Variants in TMEM45A observed in about 807,000 individuals in gnomAD.
The protein encoded by TMEM45A is DNA polymerase-transactivated protein 4.
In TMEM45A, 25 loss-of-function variants were observed where a neutral mutation model predicts 32.0. That is an observed-to-expected ratio of 0.78 (90% CI 0.57 to 1.09). TMEM45A has a LOEUF of 1.09. TMEM45A is among the 50% of genes least tolerant of loss of function. TMEM45A has a pLI of 0.00. For synonymous variants in TMEM45A, 122 were observed against 114.8 expected (o/e 1.06, Z -0.40); for missense variants, 302 against 325.0 (o/e 0.93, Z 0.54).
intron 1 of TMEM45A, among the ~76,000 whole-genome samples, chr3:100,501,556 A>G (rs1027609290): frequency 2.0e-5 from 3 of 152,226 alleles, no homozygotes; most frequent in African/African-American, 4.8e-5. Flanking sequence ...TTAAAAACAC[A>G]TAAATTGGAT....
At chr3:100,519,485 A>T in intron 1 of TMEM45A, 1 of 1,417,728 alleles carries the variant, frequency 7.1e-7, no homozygotes, top group South Asian at 1.3e-5. Flanking sequence ...TTACCTAAGA[A>T]GCAAAGGCTC....
intron 1 of TMEM45A, among the ~76,000 whole-genome samples, chr3:100,510,142 C>T (rs1187277926): frequency 1.3e-5 from 2 of 152,364 alleles, no homozygotes; most frequent in East Asian, 3.9e-4. Flanking sequence ...CTGCCTGCCT[C>T]TGTAGGCTCC....
intron 4 of TMEM45A, 92 bp downstream of exon 4, chr3:100,558,681 TCCA>T: frequency 8.0e-7 from 1 of 1,247,226 alleles, no homozygotes; most frequent in South Asian, 1.4e-5. Flanking sequence ...GAGACTTCCC[TCCA>T]ACATACTGCC....
chr3:100,554,334 A>T (rs533167849), intron 1 of TMEM45A, among the ~76,000 whole-genome samples: 9 of 152,366 alleles, frequency 5.9e-5, no homozygotes, highest in Admixed American at 1.3e-4. Flanking sequence ...AGTAAATCTC[A>T]AAGTTTCATT....
chr3:100,576,963 A>G lies in TMEM45A; in HGVS notation c.773A>G (p.Glu258Gly), dbSNP rs766979280. 4 of 1,613,700 alleles carry G rather than the reference A, an allele frequency of 2.5e-6. No homozygotes were observed. In the South Asian group the frequency reaches 3.3e-5, roughly 13 times the overall value. ...KSRLKRLCSS[E>G]VGLLKNAERE... ...AGACTTAAGAGGCTCTGCTCCTCAG[A>G]AGTTGGACTTCTGAAAAATGCTGAA... is the stretch of plus-strand genomic sequence containing the variant. Residue 258 changes from glutamate (E) to glycine (G), a missense_variant, in exon 6 of 6, where the codon GAA (glutamate) becomes GGA (glycine). Transcript: ENST00000323523.
At chr3:100,539,461 G>GCA (rs1265982726) in intron 1 of TMEM45A, among the ~76,000 whole-genome samples, 12,978 of 133,856 alleles carry the variant, frequency 0.097, 1,678 homozygotes, top group Non-Finnish European at 0.14. Flanking sequence ...ATATGTATAT[G>GCA]TATATGTATA....
chr3:100,558,333 G>A, intron 3 of TMEM45A, 72 bp from the exon 4 acceptor site: 2 of 1,573,346 alleles, frequency 1.3e-6, no homozygotes, highest in South Asian at 2.3e-5. Context: ...TGTCTACGGA[G>A]AGAGGGAGAG....
chr3:100,506,843 A>C (rs1708086691), intron 1 of TMEM45A, among the ~76,000 whole-genome samples: 1 of 152,198 alleles, frequency 6.6e-6, no homozygotes, highest in East Asian at 1.9e-4. Flanking sequence ...AGTAAGGACC[A>C]AACCAGGCAG....
intron 1 of TMEM45A, among the ~76,000 whole-genome samples, chr3:100,537,264 A>T (rs867883873): frequency 2.6e-5 from 4 of 152,080 alleles, no homozygotes; most frequent in African/African-American, 9.7e-5. Flanking sequence ...ATTGAATTTC[A>T]TGGTGTAACC....
chr3:100,576,280 C>G (rs1283549259), intron 5 of TMEM45A, among the ~76,000 whole-genome samples: 2 of 152,254 alleles, frequency 1.3e-5, no homozygotes, highest in African/African-American at 4.8e-5. Context: ...GAAACCCCAT[C>G]TCTATTAAAA....
rs1195382181 is a variant in TMEM45A, at chr3:100,506,665, A to C, written c.-4+13737A>C. 2.0e-5 allele frequency among the ~76,000 whole-genome samples: 3 copies of C among 152,198 alleles called. No homozygotes were observed. In the South Asian group the frequency reaches 6.2e-4, roughly 31 times the overall value. ...ATTTTTTCTGTGTTTGACACCTTCA[A>C]CCTTGCCATTGCATTATGGTAAGGT... On this transcript the variant is annotated intron_variant, in intron 1 of 5. Transcript: ENST00000323523.
At chr3:100,555,905 C>T (rs1274601541) in intron 2 of TMEM45A, among the ~76,000 whole-genome samples, 1 of 152,198 alleles carries the variant, frequency 6.6e-6, no homozygotes, top group East Asian at 1.9e-4. Flanking sequence ...TATAGATTAA[C>T]AAATAAGGCA....
chr3:100,526,951 G>T (rs1390436049), intron 1 of TMEM45A, among the ~76,000 whole-genome samples: 2 of 152,068 alleles, frequency 1.3e-5, no homozygotes, highest in Non-Finnish European at 2.9e-5. Flanking sequence ...TGAATTTTTT[G>T]GATGAAGACG....
chr3:100,548,281 A>G (rs1706020064), intron 1 of TMEM45A, among the ~76,000 whole-genome samples: 1 of 152,118 alleles, frequency 6.6e-6, no homozygotes, highest in African/African-American at 2.4e-5. Flanking sequence ...AGAGATGGGG[A>G]AGTTGGATTT....
chr3:100,560,910 C>T (rs1706319025), intron 4 of TMEM45A, among the ~76,000 whole-genome samples: 1 of 152,118 alleles, frequency 6.6e-6, no homozygotes, highest in Non-Finnish European at 1.5e-5. Context: ...CCCCTTTTGG[C>T]AGATAAATGT....
chr3:100,545,649 C>T (rs1194420354), intron 1 of TMEM45A, among the ~76,000 whole-genome samples: 1 of 152,210 alleles, frequency 6.6e-6, no homozygotes, highest in Non-Finnish European at 1.5e-5. Context: ...GCCTCTGTCC[C>T]TCCCTTGAAT....
intron 1 of TMEM45A, among the ~76,000 whole-genome samples, chr3:100,494,027 C>A (rs371809983): frequency 1.3e-5 from 2 of 152,070 alleles, no homozygotes; most frequent in East Asian, 3.9e-4. Flanking sequence ...CCACTGCACC[C>A]GACCTTATAA....
chr3:100,541,277 G>GC (rs1467787923), intron 1 of TMEM45A, among the ~76,000 whole-genome samples: 1 of 152,074 alleles, frequency 6.6e-6, no homozygotes, highest in African/African-American at 2.4e-5. Flanking sequence ...TCTATAGGTT[G>GC]CCTGTTTACT....
At chr3:100,568,796 T>C (rs1706495780) in intron 4 of TMEM45A, 26 bp from the exon 5 acceptor site, 2 of 1,579,554 alleles carry the variant, frequency 1.3e-6, no homozygotes, top group Non-Finnish European at 1.7e-6. Flanking sequence ...GTTATTTTAA[T>C]ATATGCTTTT....
Sources: gnomAD v4.1 joint callset for allele counts (sites outside exome capture counted in the v4.1 genomes callset) on GRCh38, gnomAD v4.1.1 for gene constraint, MANE v1.5 for transcripts, NCBI Gene and HGNC (gene_info 2026-07-23, HGNC 2026-07-21) for gene names.